The following DPP10 variants were observed in gnomAD, a reference collection of about 807,000 sequenced individuals.
The protein encoded by DPP10 is inactive dipeptidyl peptidase 10.
In DPP10, 33 loss-of-function variants were observed where a neutral mutation model predicts 120.9. That is an observed-to-expected ratio of 0.27 (90% confidence interval 0.21 to 0.37). The LOEUF (loss-of-function observed/expected upper bound fraction) is 0.37, where lower values mean the gene tolerates loss of function less well. Ranked by LOEUF, DPP10 falls within the 10% of genes least tolerant of loss-of-function variation. The pLI, the probability that DPP10 is intolerant of heterozygous loss-of-function variation, is 1.00. For missense variants in DPP10, 816 were observed against 942.8 expected, an observed-to-expected ratio of 0.87 and a Z score of 1.76; for synonymous variants, 337 against 326.1, an observed-to-expected ratio of 1.03 and a Z score of -0.36.
At chr2:114,969,194 C>A (rs1028684545) in intron 1 of DPP10, among the ~76,000 whole-genome samples, 4 of 152,128 alleles carry the variant, frequency 2.6e-5, no homozygotes, top group Non-Finnish European at 5.9e-5. Flanking sequence ...ATACTTGTCA[C>A]ACAATAATGC....
chr2:115,511,729 TTC>T (rs1459784493), intron 4 of DPP10, among the ~76,000 whole-genome samples: 14,417 of 83,034 alleles, frequency 0.17, 1,064 homozygotes, highest in East Asian at 0.33. Context: ...CTTCTTCTTC[TTC>T]TTTTTTTTTT....
chr2:115,805,805 C>T (rs553042356), intron 19 of DPP10, among the ~76,000 whole-genome samples: 1 of 152,136 alleles, frequency 6.6e-6, no homozygotes, highest in South Asian at 2.1e-4. Context: ...AAACTCCTGA[C>T]CTCAGGTGGT....
At chr2:115,751,423 A>G (rs1363325165) in intron 10 of DPP10, among the ~76,000 whole-genome samples, 1 of 152,162 alleles carries the variant, frequency 6.6e-6, no homozygotes, top group East Asian at 1.9e-4. Context: ...TATTTGATTC[A>G]ATGTTGCCTT....
chr2:114,776,746 G>C (rs1387494458), intron 1 of DPP10, among the ~76,000 whole-genome samples: 1 of 152,072 alleles, frequency 6.6e-6, no homozygotes, highest in Non-Finnish European at 1.5e-5. Flanking sequence ...AAGTTGTAGT[G>C]ATTTAAATTA....
At chr2:114,631,027 C>T (rs1369689600) in intron 1 of DPP10, among the ~76,000 whole-genome samples, 1 of 152,048 alleles carries the variant, frequency 6.6e-6, no homozygotes, top group East Asian at 1.9e-4. Context: ...TATTCTCATT[C>T]AGGACAAAGA....
intron 1 of DPP10, among the ~76,000 whole-genome samples, chr2:115,014,126 G>A (rs959554890): frequency 1.3e-5 from 2 of 152,068 alleles, no homozygotes; most frequent in Admixed American, 6.6e-5. Flanking sequence ...CAGAAGAATG[G>A]AAATCATAAC....
At chr2:114,989,383 C>A (rs1273780283) in intron 1 of DPP10, among the ~76,000 whole-genome samples, 4 of 152,052 alleles carry the variant, frequency 2.6e-5, no homozygotes, top group Non-Finnish European at 4.4e-5. Context: ...GTAGGATGTC[C>A]ACAGAGGAAG....
chr2:115,162,732 C>A (rs2052517931), intron 1 of DPP10, among the ~76,000 whole-genome samples: 1 of 152,118 alleles, frequency 6.6e-6, no homozygotes, highest in African/African-American at 2.4e-5. Context: ...AGGGTTATTC[C>A]TGTCTCTTTC....
In DPP10 at chr2:114,747,446, T is replaced by C. The variant is rs537885695; in HGVS notation, c.60+304608T>C. ...AGTCACCTCCAATGTACATTTTCCA[T>C]CACTTAGCTGCATTCAACTGTGTTG... is the stretch of plus-strand genomic sequence containing the variant. On this transcript the variant is annotated intron_variant, in intron 1 of 25. Transcript: ENST00000410059. 7.2e-5 allele frequency among the ~76,000 whole-genome samples: 11 copies of C among 152,324 alleles called. 1 individual carries two copies. The South Asian group carries it at 2.1e-3, about 29-fold the overall frequency.
chr2:114,475,790 A>G (rs1680323053), intron 1 of DPP10, among the ~76,000 whole-genome samples: 1 of 152,214 alleles, frequency 6.6e-6, no homozygotes. Context: ...GTAAAATAAC[A>G]AAGTAGACAA....
chr2:114,887,904 C>CCCGCACTT, intron 1 of DPP10, among the ~76,000 whole-genome samples: 1 of 152,144 alleles, frequency 6.6e-6, no homozygotes, highest in Non-Finnish European at 1.5e-5. Context: ...CTTTGGGAGG[C>CCCGCACTT]TGAGGCGGGT....
At chr2:115,702,096 T>A (rs1033654976) in intron 7 of DPP10, among the ~76,000 whole-genome samples, 1 of 152,036 alleles carries the variant, frequency 6.6e-6, no homozygotes, top group Non-Finnish European at 1.5e-5. Flanking sequence ...GGGACATGTA[T>A]ATCCTGCCAA....
At chr2:115,641,294 C>T (rs2086759544) in intron 5 of DPP10, among the ~76,000 whole-genome samples, 1 of 152,154 alleles carries the variant, frequency 6.6e-6, no homozygotes, top group South Asian at 2.1e-4. Flanking sequence ...AGAATCAGGA[C>T]AAGTTTTGCC....
chr2:115,178,968 T>A (rs933634766), intron 1 of DPP10, among the ~76,000 whole-genome samples: 1 of 152,196 alleles, frequency 6.6e-6, no homozygotes, highest in Non-Finnish European at 1.5e-5. Flanking sequence ...ACCATCATAA[T>A]CGAGGGACCA....
In DPP10 at chr2:115,437,079, A is replaced by G. The variant is rs540202028; in HGVS notation, c.272-62431A>G. 7.9e-5 allele frequency among the ~76,000 whole-genome samples: 12 copies of G among 152,124 alleles called. No homozygotes were observed. In the South Asian group the frequency reaches 2.5e-3, roughly 32 times the overall value. On this transcript the variant is annotated intron_variant, in intron 3 of 25. Transcript: ENST00000410059. The stretch of plus-strand genomic sequence containing the variant: ...TGTCATTTATTGATAATTACACACC[A>G]AAGGAATGCAGCATTTTAGAGTCGT...
intron 1 of DPP10, among the ~76,000 whole-genome samples, chr2:114,958,892 TA>T (rs1698408262): frequency 6.6e-6 from 1 of 152,090 alleles, no homozygotes. Context: ...TTTCCAGGGT[TA>T]AAAAAAGGGG....
chr2:114,906,417 A>G (rs548643404), intron 1 of DPP10, among the ~76,000 whole-genome samples: 3 of 151,406 alleles, frequency 2.0e-5, no homozygotes, highest in Non-Finnish European at 4.4e-5. Flanking sequence ...GTGAACCTGG[A>G]CATACATTCT....
At chr2:115,364,448 G>A (rs1330948383) in intron 3 of DPP10, among the ~76,000 whole-genome samples, 2 of 152,028 alleles carry the variant, frequency 1.3e-5, no homozygotes, top group East Asian at 3.9e-4. Flanking sequence ...ATAAAGAGGA[G>A]CCGTTGTTGC....
At chr2:114,808,438 A>T (rs1223452664) in intron 1 of DPP10, among the ~76,000 whole-genome samples, 1 of 152,136 alleles carries the variant, frequency 6.6e-6, no homozygotes, top group Non-Finnish European at 1.5e-5. Flanking sequence ...GCTTTATGAG[A>T]TACCATCAAA....
Sources: gnomAD v4.1 joint callset for allele counts (sites outside exome capture counted in the v4.1 genomes callset) on GRCh38, gnomAD v4.1.1 for gene constraint, MANE v1.5 for transcripts, NCBI Gene and HGNC (gene_info 2026-07-23, HGNC 2026-07-21) for gene names.